The following MAT1A variants were observed in gnomAD, a reference collection of about 807,000 sequenced individuals.
MAT1A encodes methionine adenosyltransferase 1A.
A neutral mutation model predicts 44.0 loss-of-function variants in MAT1A; 19 were observed. The observed-to-expected ratio is 0.43, with a 90% CI of 0.30 to 0.63. The LOEUF is 0.63. MAT1A is among the 30% of genes least tolerant of loss of function. The pLI is 0.12. For synonymous variants in MAT1A, 205 were observed against 205.6 expected, an observed-to-expected ratio of 1.00 and a Z score of 0.03; for missense variants, 397 against 531.0, an observed-to-expected ratio of 0.75 and a Z score of 2.48.
chr10:80,273,515 T>G lies in MAT1A; in HGVS notation c.*266A>C, dbSNP rs1589479455. The G allele has an allele frequency of 4.3e-6, 2 of 467,706 alleles. No homozygotes were observed. The highest frequency in any genetic ancestry group is 7.9e-6 in the Non-Finnish European group (2 of 253,124). 29.0% of individuals were successfully genotyped at this position (467,706 alleles called of 1,614,324 possible). On this transcript the variant is annotated 3_prime_UTR_variant, in exon 9 of 9. Transcript: ENST00000372213. ...GGAATTCACTCTTGACGGGGGTGCCTTTTCCACTAAATTAACATTGCCCCA... is the reference window on the plus strand; with the variant it reads ...GGAATTCACTCTTGACGGGGGTGCCGTTTCCACTAAATTAACATTGCCCCA...
chr10:80,277,942 A>G (rs1263657893), intron 5 of MAT1A, among the ~76,000 whole-genome samples: 1 of 152,260 alleles, frequency 6.6e-6, no homozygotes, highest in Non-Finnish European at 1.5e-5. Flanking sequence ...TCAGGTGGAA[A>G]GACCCATCCT....
At chr10:80,284,185 A>G (rs1354964649) in intron 2 of MAT1A, 147 bp from the exon 3 acceptor site, 12 of 1,040,162 alleles carry the variant, frequency 1.2e-5, no homozygotes, top group Admixed American at 8.0e-5. Flanking sequence ...AGAAACGCCA[A>G]TAAAAAGAAA....
chr10:80,289,408 C>G lies in MAT1A; in HGVS notation c.16G>C (p.Asp6His), dbSNP rs1328097524. The change falls in exon 1 of 9, where the codon GAT becomes CAT. Residue 6 changes from aspartate to histidine, a missense_variant. By Grantham distance (81) the Asp-to-His change is moderately conservative. Coordinates refer to ENST00000372213, the MANE Select transcript of MAT1A (RefSeq NM_000429.3). ...CTTAGAGAGTGGTCACACAAGCCATCCACCGGTCCATTCATCTTCTCACAC... is the reference window on the plus strand; with the variant it reads ...CTTAGAGAGTGGTCACACAAGCCATGCACCGGTCCATTCATCTTCTCACAC... Reference protein sequence around the residue: MNGPVDGLCDHSLSEG... With the variant: MNGPVHGLCDHSLSEG... 6.2e-7 allele frequency: 1 copy of G among 1,614,022 alleles called. No individual in the cohort carries two copies.
At chr10:80,274,470 G>A in intron 8 of MAT1A, 50 bp downstream of exon 8, 1 of 1,612,414 alleles carries the variant, frequency 6.2e-7, no homozygotes, top group Non-Finnish European at 8.5e-7. Context: ...GTGAGCATCT[G>A]GGCAAGGAAG....
intron 8 of MAT1A, 84 bp downstream of exon 8, chr10:80,274,436 C>A: frequency 1.9e-6 from 3 of 1,574,864 alleles, no homozygotes; most frequent in Non-Finnish European, 8.7e-7. Flanking sequence ...AAACATCCTC[C>A]TTTCTGCCTC....
At chr10:80,284,247 C>T (rs1047805978) in intron 2 of MAT1A, among the ~76,000 whole-genome samples, 54 of 152,336 alleles carry the variant, frequency 3.5e-4, no homozygotes, top group African/African-American at 1.2e-3. Context: ...TGGAAAGAGT[C>T]AGTCATAAGC....
chr10:80,276,938 C>T (rs1841496651), intron 5 of MAT1A, among the ~76,000 whole-genome samples: 1 of 152,204 alleles, frequency 6.6e-6, no homozygotes, highest in African/African-American at 2.4e-5. Context: ...GGCCAAAGCC[C>T]TTTCTTGACC....
At chr10:80,274,022 C>T (rs964676335) in intron 8 of MAT1A, 139 bp from the exon 9 acceptor site, 23 of 714,766 alleles carry the variant, frequency 3.2e-5, no homozygotes, top group Middle Eastern at 3.5e-4. Context: ...ACCGCAGTTG[C>T]GCGCACCCAT....
intron 5 of MAT1A, among the ~76,000 whole-genome samples, chr10:80,277,854 A>T (rs541477785): frequency 2.0e-5 from 3 of 152,230 alleles, no homozygotes; most frequent in Non-Finnish European, 4.4e-5. Context: ...CACACCATGG[A>T]AAACACAGCT....
Position 80,272,684 on chromosome 10 carries a change from GC to G in MAT1A, c.*1096del, listed in dbSNP as rs1004410005. The G allele has an allele frequency of 9.2e-5, 14 of 152,478 alleles. No individual in the cohort carries two copies. The highest frequency in any genetic ancestry group is 3.1e-4 in the African/African-American group (13 of 41,548). 9.4% of individuals were successfully genotyped at this position (152,478 alleles called of 1,614,324 possible). A position where few individuals can be genotyped will look rare whatever the true frequency, so the allele number is the denominator to read the frequency against. On this transcript the variant is annotated 3_prime_UTR_variant, in exon 9 of 9. Coordinates refer to ENST00000372213, the MANE Select transcript of MAT1A (RefSeq NM_000429.3). ...CAAGTTGCTGCTTCTGCTCCAGGAA[GC>G]CCAGATAGGACTGGACTGGACTTAG...
In MAT1A at chr10:80,273,804, C is replaced by A; in HGVS notation, c.1165G>T (p.Val389Phe). Reference sequence around the variant, plus strand: ...CTCTAAAATACAAGCTTCCTGGGAACCTCCCATGGGAACTCGCTTCTTCCG... The same window carrying A: ...CTCTAAAATACAAGCTTCCTGGGAAACTCCCATGGGAACTCGCTTCTTCCG... ...HFGRSEFPWE[V>F]PRKLVF Residue 389 changes from valine (V) to phenylalanine (F), a missense_variant, in exon 9 of 9, where the codon GTT becomes TTT. Physicochemically the swap from Val to Phe is conservative, Grantham distance 50. Transcript: ENST00000372213. 2 of 1,613,482 alleles carry A rather than the reference C, an allele frequency of 1.2e-6. No homozygotes were observed. Among genetic ancestry groups the A allele is most frequent in the Non-Finnish European group, 1.7e-6 (2 of 1,179,544 alleles).
chr10:80,276,003 C>T (rs773281526), intron 6 of MAT1A, among the ~76,000 whole-genome samples: 1 of 152,226 alleles, frequency 6.6e-6, no homozygotes, highest in Non-Finnish European at 1.5e-5. Flanking sequence ...GATCTGGAAA[C>T]AGCCACCCGG....
chr10:80,275,891 C>T (rs562628798), intron 6 of MAT1A, among the ~76,000 whole-genome samples: 29 of 152,366 alleles, frequency 1.9e-4, no homozygotes, highest in Non-Finnish European at 3.4e-4. Context: ...TCAACCTCCA[C>T]CTCCTCACAC....
chr10:80,274,335 G>A (rs908531488), intron 8 of MAT1A, among the ~76,000 whole-genome samples, 185 bp downstream of exon 8: 2 of 152,208 alleles, frequency 1.3e-5, no homozygotes, highest in Admixed American at 6.5e-5. Context: ...ACCTGGGGCA[G>A]CCTCCTTTAA....
intron 5 of MAT1A, 130 bp from the exon 6 acceptor site, chr10:80,276,724 G>A: frequency 3.6e-6 from 3 of 842,148 alleles, no homozygotes; most frequent in Admixed American, 1.8e-5. Flanking sequence ...TGTCTTCAAA[G>A]GGTGTTGGGG....
At chr10:80,288,658 G>A (rs760665214) in intron 1 of MAT1A, among the ~76,000 whole-genome samples, 81 of 152,168 alleles carry the variant, frequency 5.3e-4, no homozygotes, top group Non-Finnish European at 2.6e-4. Context: ...GCAGTGACCA[G>A]GGTGCAGGCT....
At chr10:80,279,263 G>C (rs756719200) in intron 5 of MAT1A, among the ~76,000 whole-genome samples, 1 of 152,152 alleles carries the variant, frequency 6.6e-6, no homozygotes, top group Non-Finnish European at 1.5e-5. Context: ...GAGCTGGAGC[G>C]AGAGGGGTGC....
Position 80,272,575 on chromosome 10 carries a change from C to T in MAT1A, c.*1206G>A, listed in dbSNP as rs1832683. On this transcript the variant is annotated 3_prime_UTR_variant, in exon 9 of 9. Coordinates refer to ENST00000372213, the MANE Select transcript of MAT1A (RefSeq NM_000429.3). Reference sequence around the variant, plus strand: ...GGGCCACTCACTCCCTCCAAATGCACTCAGCCTGCAGGGGATACAAGGGAC... The same window carrying T: ...GGGCCACTCACTCCCTCCAAATGCATTCAGCCTGCAGGGGATACAAGGGAC... The T allele has an allele frequency of 0.21, 31,369 of 152,390 alleles. 3,501 individuals are homozygous for T. Among genetic ancestry groups the T allele is most frequent in the South Asian group, 0.29 (1,389 of 4,824 alleles). 9.4% of individuals were successfully genotyped at this position (152,390 alleles called of 1,614,324 possible). A position where few individuals can be genotyped will look rare whatever the true frequency, so the allele number is the denominator to read the frequency against.
At chr10:80,280,927 C>G in intron 3 of MAT1A, 135 bp from the exon 4 acceptor site, 2 of 723,454 alleles carry the variant, frequency 2.8e-6, no homozygotes, top group East Asian at 2.6e-5. Flanking sequence ...CAGGGTCTGT[C>G]TAGGCCCACA....
Sources: allele counts gnomAD v4.1 joint callset (sites outside exome capture counted in the v4.1 genomes callset), GRCh38; gene constraint gnomAD v4.1.1; transcripts MANE v1.5; gene names NCBI Gene and HGNC (gene_info 2026-07-23, HGNC 2026-07-21).